KLHL1: variants seen among roughly 807,000 people sequenced by gnomAD.
KLHL1 encodes the protein kelch-like protein 1.
In KLHL1, 47 loss-of-function variants were observed where a neutral mutation model predicts 77.7. That is an observed-to-expected ratio of 0.60 (90% CI 0.48 to 0.77). The LOEUF (loss-of-function observed/expected upper bound fraction) is 0.77, where lower values mean the gene tolerates loss of function less well. Among genes scored for constraint, KLHL1 ranks in the 30% least tolerant of loss-of-function variants. The pLI, the probability that KLHL1 is intolerant of heterozygous loss-of-function variation, is 0.00. For synonymous variants in KLHL1, 360 were observed against 325.2 expected, an observed-to-expected ratio of 1.11 and a Z score of -1.15; for missense variants, 925 against 910.8, an observed-to-expected ratio of 1.02 and a Z score of -0.20.
At chr13:69,778,476 A>G (rs566162487) in intron 7 of KLHL1, among the ~76,000 whole-genome samples, 1 of 151,558 alleles carries the variant, frequency 6.6e-6, no homozygotes, top group African/African-American at 2.4e-5. Flanking sequence ...AATTCTTAAC[A>G]TCATTGCCGA....
At position 69,761,582 on chromosome 13, in the gene KLHL1, T is replaced by C. The variant is rs78611150; in HGVS notation, c.1640-21026A>G. On this transcript the variant is annotated intron_variant, in intron 7 of 10. Transcript: ENST00000377844. The stretch of plus-strand genomic sequence containing the variant: ...TTAATTGAATACCAGGAAAATACTA[T>C]GCCAGATTTTCATGCTACATCAGTC... Among the ~76,000 whole-genome samples the C allele has an allele frequency of 5.2e-3, 795 of 152,304 alleles. 4 individuals carry two copies. Among genetic ancestry groups the C allele is most frequent in the African/African-American group, 0.018 (732 of 41,566 alleles).
At chr13:69,857,449 GC>G (rs1227849198) in intron 5 of KLHL1, among the ~76,000 whole-genome samples, 2 of 151,892 alleles carry the variant, frequency 1.3e-5, no homozygotes, top group African/African-American at 2.4e-5. Context: ...ATTATTATAT[GC>G]CCCATGACTA....
intron 1 of KLHL1, among the ~76,000 whole-genome samples, chr13:70,102,857 T>C (rs985520760): frequency 3.3e-5 from 5 of 152,196 alleles, no homozygotes; most frequent in Admixed American, 3.3e-4. Context: ...AATATGATTA[T>C]ATCAAATATT....
At chr13:69,794,542 CAGAGAA>C (rs990472495) in intron 7 of KLHL1, among the ~76,000 whole-genome samples, 4 of 145,308 alleles carry the variant, frequency 2.8e-5, no homozygotes, top group African/African-American at 1.0e-4. Context: ...GGATGAACAA[CAGAGAA>C]AGAGGAGAGA....
intron 1 of KLHL1, among the ~76,000 whole-genome samples, chr13:70,101,064 T>G (rs80203935): frequency 0.026 from 3,887 of 152,248 alleles, 114 homozygotes; most frequent in African/African-American, 0.073. Context: ...GATACATAAA[T>G]TATCTTTGGA....
At chr13:69,968,276 T>C in intron 2 of KLHL1, among the ~76,000 whole-genome samples, 1 of 151,946 alleles carries the variant, frequency 6.6e-6, no homozygotes, top group East Asian at 1.9e-4. Context: ...ACATACATGA[T>C]GAAGTAGTGC....
At chr13:69,723,550 A>G (rs1342984931) in intron 8 of KLHL1, among the ~76,000 whole-genome samples, 2 of 152,226 alleles carry the variant, frequency 1.3e-5, no homozygotes, top group East Asian at 1.9e-4. Context: ...AAGGCTCCCA[A>G]TGATATGAAT....
intron 7 of KLHL1, among the ~76,000 whole-genome samples, chr13:69,795,061 A>G (rs1877043453): frequency 6.6e-6 from 1 of 152,190 alleles, no homozygotes; most frequent in Admixed American, 6.5e-5. Context: ...CTATGATTCA[A>G]CTGATCATAA....
chr13:69,961,979 G>A (rs1420139350), intron 2 of KLHL1, among the ~76,000 whole-genome samples: 3 of 151,860 alleles, frequency 2.0e-5, no homozygotes, highest in Non-Finnish European at 2.9e-5. Flanking sequence ...AGGCTTTCAA[G>A]TCTTAAGTAA....
At chr13:70,041,902 T>G (rs1886387049) in intron 1 of KLHL1, among the ~76,000 whole-genome samples, 1 of 152,260 alleles carries the variant, frequency 6.6e-6, no homozygotes, top group South Asian at 2.1e-4. Context: ...GCTCCATTTG[T>G]TGGCAGGAGG....
chr13:69,816,177 T>A (rs1301476844), intron 6 of KLHL1, among the ~76,000 whole-genome samples: 2 of 152,066 alleles, frequency 1.3e-5, no homozygotes, highest in African/African-American at 4.8e-5. Context: ...ATCAGCTGGT[T>A]GACATTAAAT....
intron 4 of KLHL1, among the ~76,000 whole-genome samples, chr13:69,922,997 T>C (rs1179737127): frequency 6.6e-6 from 1 of 152,194 alleles, no homozygotes; most frequent in Non-Finnish European, 1.5e-5. Flanking sequence ...ATTTCAATAT[T>C]ACATAATGAA....
In KLHL1 at chr13:69,701,707, G is replaced by T. The variant is rs369578540; in HGVS notation, c.2242C>A (p.Pro748Thr). Residue 748 changes from proline to threonine, a missense_variant, in exon 11 of 11, where the codon CCT becomes ACT. Transcript: ENST00000377844. ...AGACVVVIKQ[P>T] ...CCAAGTAAAATATCAATAAGTCAAGGTTGCTTGATGACTACCACACAGGCA... is the reference window on the plus strand; with the variant it reads ...CCAAGTAAAATATCAATAAGTCAAGTTTGCTTGATGACTACCACACAGGCA... 9 of 1,605,844 alleles carry T rather than the reference G, an allele frequency of 5.6e-6. No individual in the cohort carries two copies. In the African/African-American group the frequency reaches 8.1e-5, roughly 14 times the overall value.
chr13:69,860,966 A>G (rs1369113247), intron 5 of KLHL1, among the ~76,000 whole-genome samples: 2 of 152,046 alleles, frequency 1.3e-5, no homozygotes, highest in African/African-American at 4.8e-5. Context: ...GTTTATAAAA[A>G]TAATCAATTA....
chr13:69,998,637 A>G (rs1166043367), intron 1 of KLHL1, among the ~76,000 whole-genome samples: 1 of 152,006 alleles, frequency 6.6e-6, no homozygotes, highest in Non-Finnish European at 1.5e-5. Context: ...AATAACTAGG[A>G]CCTTAATTAG....
At chr13:69,834,653 C>T (rs1878909458) in intron 6 of KLHL1, among the ~76,000 whole-genome samples, 2 of 152,064 alleles carry the variant, frequency 1.3e-5, no homozygotes, top group South Asian at 4.1e-4. Flanking sequence ...TGAAATTCTG[C>T]AATTGATAAC....
chr13:69,916,805 T>C (rs968423416), intron 4 of KLHL1, among the ~76,000 whole-genome samples: 3 of 151,970 alleles, frequency 2.0e-5, no homozygotes, highest in African/African-American at 7.2e-5. Flanking sequence ...GACAGAATGA[T>C]GTGAAACATA....
At chr13:69,832,381 G>T (rs1237456227) in intron 6 of KLHL1, among the ~76,000 whole-genome samples, 1 of 149,396 alleles carries the variant, frequency 6.7e-6, no homozygotes, top group Admixed American at 6.7e-5. Context: ...ATATATTCAG[G>T]AATATACCTA....
At chr13:70,042,169 A>AT (rs1286926620) in intron 1 of KLHL1, among the ~76,000 whole-genome samples, 1 of 152,154 alleles carries the variant, frequency 6.6e-6, no homozygotes, top group African/African-American at 2.4e-5. Flanking sequence ...AATGAAACCA[A>AT]CAGAAAGTAC....
Sources: allele counts gnomAD v4.1 joint callset (sites outside exome capture counted in the v4.1 genomes callset), GRCh38; gene constraint gnomAD v4.1.1; transcripts MANE v1.5; gene names NCBI Gene and HGNC (gene_info 2026-07-23, HGNC 2026-07-21).